The following BFSP2 variants were observed in gnomAD, a reference collection of about 807,000 sequenced individuals.
BFSP2 encodes the protein phakinin.
BFSP2 carries 38 observed loss-of-function variants against 44.9 expected under a neutral mutation model. That is an observed-to-expected ratio of 0.85 (90% CI 0.65 to 1.11). The LOEUF (loss-of-function observed/expected upper bound fraction) is 1.11, where lower values mean the gene tolerates loss of function less well. Among genes scored for constraint, BFSP2 ranks in the 50% least tolerant of loss-of-function variants. BFSP2 has a pLI of 0.00. For missense variants in BFSP2, 525 were observed against 533.0 expected (o/e 0.99, Z 0.15); for synonymous variants, 197 against 209.9 (o/e 0.94, Z 0.53).
At chr3:133,432,376 T>G (rs1371247872) in intron 1 of BFSP2, among the ~76,000 whole-genome samples, 1 of 152,156 alleles carries the variant, frequency 6.6e-6, no homozygotes, top group East Asian at 1.9e-4. Context: ...TAAAGATGCT[T>G]TTTTCACTAT....
At chr3:133,420,697 C>T (rs1380256556) in intron 1 of BFSP2, among the ~76,000 whole-genome samples, 2 of 152,198 alleles carry the variant, frequency 1.3e-5, no homozygotes, top group Non-Finnish European at 2.9e-5. Context: ...AACGGAGGTG[C>T]AAGCGACCTC....
chr3:133,421,068 T>C (rs961037093), intron 1 of BFSP2, among the ~76,000 whole-genome samples: 2 of 152,218 alleles, frequency 1.3e-5, no homozygotes, highest in African/African-American at 2.4e-5. Flanking sequence ...AGATAATGCA[T>C]GTAAACTAGA....
At chr3:133,414,848 C>T (rs2073498582) in intron 1 of BFSP2, among the ~76,000 whole-genome samples, 1 of 100,912 alleles carries the variant, frequency 9.9e-6, no homozygotes, top group Non-Finnish European at 1.9e-5. Flanking sequence ...CCCCTGCCCT[C>T]TTCCATCTAC....
At chr3:133,462,451 G>A (rs113560433) in intron 4 of BFSP2, among the ~76,000 whole-genome samples, 9 of 152,338 alleles carry the variant, frequency 5.9e-5, no homozygotes, top group African/African-American at 2.2e-4. Flanking sequence ...CAAATCATGT[G>A]AGGGACTGTG....
At chr3:133,469,636 GTGCTGTC>G (rs2074143834) in intron 5 of BFSP2, among the ~76,000 whole-genome samples, 1 of 152,238 alleles carries the variant, frequency 6.6e-6, no homozygotes, top group Non-Finnish European at 1.5e-5. Context: ...TTGTTTGCTG[GTGCTGTC>G]TGCGTGGCTG....
intron 3 of BFSP2, among the ~76,000 whole-genome samples, chr3:133,449,428 TTTTA>T (rs1470495383): frequency 6.6e-6 from 1 of 152,230 alleles, no homozygotes; most frequent in East Asian, 1.9e-4. Context: ...TTTGTTTTTG[TTTTA>T]TTTTACTTTA....
intron 1 of BFSP2, among the ~76,000 whole-genome samples, chr3:133,422,117 A>AAAAAT (rs1409801206): frequency 6.6e-6 from 1 of 151,328 alleles, no homozygotes; most frequent in African/African-American, 2.4e-5. Flanking sequence ...AAAAAAAAAA[A>AAAAAT]AAAAAAAAAT....
At position 133,447,310 on chromosome 3, in the gene BFSP2, G is replaced by T. The variant is rs750506316; in HGVS notation, c.490-7G>T. On this transcript the variant is annotated splice_region_variant and splice_polypyrimidine_tract_variant and intron_variant, in intron 1 of 6. Transcript: ENST00000302334. The stretch of plus-strand genomic sequence containing the variant: ...CTTGTCTCCTTTGGTGTGTGTGATC[G>T]CTCTAGGTGGGTGAGGCAGTCTTGG... 2 of 1,613,810 alleles carry T rather than the reference G, an allele frequency of 1.2e-6. No individual in the cohort carries two copies. Among genetic ancestry groups the T allele is most frequent in the South Asian group, 2.2e-5 (2 of 91,044 alleles).
chr3:133,446,638 AT>A (rs2073903675), intron 1 of BFSP2, among the ~76,000 whole-genome samples: 1 of 84,218 alleles, frequency 1.2e-5, no homozygotes, highest in African/African-American at 5.1e-5. Context: ...ATATATATAT[AT>A]AAAGGAGTTT....
chr3:133,424,914 G>A (rs560377995), intron 1 of BFSP2, among the ~76,000 whole-genome samples: 3 of 152,338 alleles, frequency 2.0e-5, no homozygotes, highest in South Asian at 2.1e-4. Flanking sequence ...GATTACAGGC[G>A]TGAGCCACCA....
chr3:133,400,809 AT>A lies in BFSP2; in HGVS notation c.489+238del, dbSNP rs2073357331. ...CTTCTTTAAACTTCAAAGAAATGCT[AT>A]GCAGTGGATCATTCACTGATTGCAT... On this transcript the variant is annotated intron_variant, in intron 1 of 6. Transcript: ENST00000302334. This position sits in a 1 kb window ranked among gnomAD's most constrained non-coding sequence, Gnocchi z 4.0. Among the ~76,000 whole-genome samples, 1 of 152,254 alleles carries A rather than the reference AT, an allele frequency of 6.6e-6. No individual in the cohort carries two copies. The highest frequency in any genetic ancestry group is 1.5e-5 in the Non-Finnish European group (1 of 68,046).
chr3:133,412,879 C>G (rs1016546451), intron 1 of BFSP2, among the ~76,000 whole-genome samples: 1 of 152,226 alleles, frequency 6.6e-6, no homozygotes, highest in South Asian at 2.1e-4. Flanking sequence ...GCTGCAATGT[C>G]TGACACAGAG....
At chr3:133,459,170 C>T (rs1254439165) in intron 4 of BFSP2, among the ~76,000 whole-genome samples, 2 of 151,878 alleles carry the variant, frequency 1.3e-5, no homozygotes, top group Non-Finnish European at 2.9e-5. Flanking sequence ...TAAGACCCCA[C>T]CTCTACAAAA....
At chr3:133,446,594 A>AAAGGAGTT (rs2073901426) in intron 1 of BFSP2, among the ~76,000 whole-genome samples, 1 of 23,486 alleles carries the variant, frequency 4.3e-5, no homozygotes, top group African/African-American at 2.0e-4. Flanking sequence ...ATATATATAT[A>AAAGGAGTT]TATATATATA....
chr3:133,472,419 G>C lies in BFSP2; in HGVS notation c.1098G>C (p.Val366=). The stretch of plus-strand genomic sequence containing the variant: ...TGGAGCTCCAGAACCTGGGCGCTGT[G>C]GTCGGCCGGCTGGAGGCGGAGCTCA... The part of the protein sequence containing the change: ...HDMELQNLGA[V]VGRLEAELRE... The change falls in exon 6 of 7, where the codon GTG becomes GTC. Residue 366 remains valine (V), a synonymous_variant. Transcript: ENST00000302334. 1 of 1,614,134 alleles carries C rather than the reference G, an allele frequency of 6.2e-7. No homozygotes were observed. The highest frequency in any genetic ancestry group is 8.5e-7 in the Non-Finnish European group (1 of 1,180,002).
chr3:133,472,545 G>A lies in BFSP2; in HGVS notation c.1224G>A (p.Leu408=), dbSNP rs1387425106. 2 of 1,612,104 alleles carry A rather than the reference G, an allele frequency of 1.2e-6. No individual in the cohort carries two copies. The highest frequency in any genetic ancestry group is 2.7e-5 in the African/African-American group (2 of 74,894). The change falls in exon 6 of 7, where the codon CTG becomes CTA. Residue 408 remains leucine (L), a synonymous_variant. Transcript: ENST00000302334. ...LQKDVASYHA[L]LDREESG ...AGGACGTGGCGTCCTACCACGCCCT[G>A]CTGGACAGGGAGGAGAGCGGGTAAG...
chr3:133,413,004 C>A (rs2073471387), intron 1 of BFSP2, among the ~76,000 whole-genome samples: 1 of 152,186 alleles, frequency 6.6e-6, no homozygotes, highest in African/African-American at 2.4e-5. Flanking sequence ...TGCTCTGCTA[C>A]TATTTCTGTT....
intron 1 of BFSP2, among the ~76,000 whole-genome samples, chr3:133,435,283 T>G (rs1211854832): frequency 6.6e-6 from 1 of 152,178 alleles, no homozygotes; most frequent in Non-Finnish European, 1.5e-5. Flanking sequence ...AAAACACTCT[T>G]ATAATAAGCA....
At chr3:133,409,536 A>G (rs545084448) in intron 1 of BFSP2, among the ~76,000 whole-genome samples, 1 of 152,272 alleles carries the variant, frequency 6.6e-6, no homozygotes, top group Admixed American at 6.5e-5. Flanking sequence ...TCTAACAACC[A>G]TCTTTCACTA....
Sources: allele counts gnomAD v4.1 joint callset (sites outside exome capture counted in the v4.1 genomes callset), GRCh38; gene constraint gnomAD v4.1.1; non-coding constraint Gnocchi (gnomAD v3.1); transcripts MANE v1.5; gene names NCBI Gene and HGNC (gene_info 2026-07-23, HGNC 2026-07-21).